Variants in NUSAP1 observed in about 807,000 individuals in gnomAD.
NUSAP1 encodes the protein nucleolar and spindle-associated protein 1.
Under a neutral mutation model 52.8 loss-of-function variants are expected in NUSAP1, and 32 were observed. The ratio of observed to expected loss-of-function variants is 0.61; its 90% confidence interval spans 0.46 to 0.81. The LOEUF (loss-of-function observed/expected upper bound fraction) is 0.81. NUSAP1 is among the 40% of genes least tolerant of loss of function. The probability of loss-of-function intolerance (pLI) is 0.00; values close to 1 mark genes in which losing one functional copy is unlikely to be tolerated. For missense variants in NUSAP1, 499 were observed against 522.3 expected (o/e 0.96, Z 0.43); for synonymous variants, 195 against 183.1 (o/e 1.06, Z -0.52).
intron 1 of NUSAP1, among the ~76,000 whole-genome samples, chr15:41,339,341 A>T (rs1008834055): frequency 6.6e-6 from 1 of 152,010 alleles, no homozygotes; most frequent in African/African-American, 2.4e-5. Context: ...GAAACCAAAT[A>T]TGAGACAATG....
chr15:41,368,184 T>C (rs1354146576), intron 7 of NUSAP1, among the ~76,000 whole-genome samples: 3 of 152,202 alleles, frequency 2.0e-5, no homozygotes, highest in Non-Finnish European at 2.9e-5. Context: ...GTTCTTTTGC[T>C]TTTGTTTCTG....
At chr15:41,340,393 T>C (rs1314790126) in intron 1 of NUSAP1, among the ~76,000 whole-genome samples, 1 of 152,140 alleles carries the variant, frequency 6.6e-6, no homozygotes, top group African/African-American at 2.4e-5. Flanking sequence ...CGTCATATCA[T>C]TCATTTCTAG....
rs1185802481 is a variant in NUSAP1, at chr15:41,380,510, G to T, written c.*324G>T. 2 of 207,778 alleles carry T rather than the reference G, an allele frequency of 9.6e-6. No homozygotes were observed. The highest frequency in any genetic ancestry group is 2.4e-5 in the African/African-American group (1 of 42,254). 12.9% of individuals were successfully genotyped at this position (207,778 alleles called of 1,614,324 possible). A position where few individuals can be genotyped will look rare whatever the true frequency, so the allele number is the denominator to read the frequency against. Reference sequence around the variant, plus strand: ...TGCTGGTTCTAATATTAACAGAACTGCAGTCTTCTGCTAGCCAATAGCATT... The same window carrying T: ...TGCTGGTTCTAATATTAACAGAACTTCAGTCTTCTGCTAGCCAATAGCATT... On this transcript the variant is annotated 3_prime_UTR_variant, in exon 11 of 11. Transcript: ENST00000559596.
Position 41,332,885 on chromosome 15 carries a change from C to T in NUSAP1, c.-73C>T, listed in dbSNP as rs568706892. On this transcript the variant is annotated 5_prime_UTR_variant, in exon 1 of 11. Coordinates refer to ENST00000559596, the MANE Select transcript of NUSAP1 (RefSeq NM_016359.5). The stretch of plus-strand genomic sequence containing the variant: ...TCTGCCTAGTCAAAGTTAAGAGTGG[C>T]GCCAGGGATTTGAACCGCGCTGACG... The T allele has an allele frequency of 2.7e-4, 313 of 1,174,544 alleles. 3 individuals are homozygous for T. In the East Asian group the frequency reaches 7.6e-3, roughly 28 times the overall value. 72.8% of individuals were successfully genotyped at this position (1,174,544 alleles called of 1,614,324 possible).
At chr15:41,335,635 TATATATAAATATATTAA>T (rs1286987772) in intron 1 of NUSAP1, among the ~76,000 whole-genome samples, 1 of 139,456 alleles carries the variant, frequency 7.2e-6, no homozygotes, top group African/African-American at 2.6e-5. Flanking sequence ...CTAAATATAC[TATATATAAATATATTAA>T]ATATATAAAT....
chr15:41,362,087 T>G (rs2049198944), intron 6 of NUSAP1, among the ~76,000 whole-genome samples: 1 of 152,120 alleles, frequency 6.6e-6, no homozygotes, highest in Non-Finnish European at 1.5e-5. Context: ...TGGTGGCTCA[T>G]GCCTATTATC....
chr15:41,334,013 C>A (rs1402956379), intron 1 of NUSAP1, among the ~76,000 whole-genome samples: 1 of 152,224 alleles, frequency 6.6e-6, no homozygotes, highest in Non-Finnish European at 1.5e-5. Flanking sequence ...GTTGAGACTT[C>A]CCACATAATA....
intron 10 of NUSAP1, among the ~76,000 whole-genome samples, chr15:41,377,508 G>A (rs573334955): frequency 6.6e-6 from 1 of 151,036 alleles, no homozygotes; most frequent in Non-Finnish European, 1.5e-5. Context: ...AACCATCCTG[G>A]CTAACACGGT....
At chr15:41,335,314 T>C (rs1389130741) in intron 1 of NUSAP1, among the ~76,000 whole-genome samples, 1 of 145,062 alleles carries the variant, frequency 6.9e-6, no homozygotes, top group Non-Finnish European at 1.5e-5. Context: ...TATATACTAG[T>C]ATATATAAAT....
At chr15:41,367,270 A>G (rs2140790188) in intron 7 of NUSAP1, among the ~76,000 whole-genome samples, 1 of 152,298 alleles carries the variant, frequency 6.6e-6, no homozygotes, top group South Asian at 2.1e-4. Context: ...CCACAGGCAC[A>G]TAGCCACTCA....
intron 9 of NUSAP1, 114 bp downstream of exon 9, chr15:41,375,942 T>A: frequency 1.5e-6 from 1 of 667,340 alleles, no homozygotes; most frequent in Non-Finnish European, 2.7e-6. Flanking sequence ...GGCAGGCACC[T>A]GTAATCCCAG....
chr15:41,364,333 G>C (rs944893742), intron 6 of NUSAP1, among the ~76,000 whole-genome samples: 7 of 151,732 alleles, frequency 4.6e-5, no homozygotes, highest in Non-Finnish European at 8.8e-5. Flanking sequence ...AGATCACAAG[G>C]TCAGCAGTTC....
At chr15:41,341,832 G>A (rs2048377040) in intron 1 of NUSAP1, among the ~76,000 whole-genome samples, 1 of 152,114 alleles carries the variant, frequency 6.6e-6, no homozygotes, top group South Asian at 2.1e-4. Context: ...TGAGAGTAAA[G>A]TTCATACTCT....
rs950916313 is a variant in NUSAP1 at position 41,377,969 on chromosome 15, G to A, written c.1232+665G>A. On this transcript the variant is annotated intron_variant, in intron 10 of 10. Coordinates refer to ENST00000559596, the MANE Select transcript of NUSAP1 (RefSeq NM_016359.5). ...CACGCCACTGCACTCCAGCCTGGGC[G>A]ACAGAGTGAGACTCCGTCTCAAAAA... 9.2e-5 allele frequency among the ~76,000 whole-genome samples: 14 copies of A among 151,382 alleles called. No homozygotes were observed. The South Asian group carries it at 1.0e-3, about 11-fold the overall frequency.
chr15:41,373,448 CTT>C (rs763340655), intron 8 of NUSAP1, among the ~76,000 whole-genome samples: 21 of 117,254 alleles, frequency 1.8e-4, no homozygotes, highest in Admixed American at 2.7e-4. Flanking sequence ...AATTCATATT[CTT>C]TTTTTTTTTT....
intron 1 of NUSAP1, among the ~76,000 whole-genome samples, chr15:41,333,482 C>A (rs2140479234): frequency 6.6e-6 from 1 of 152,132 alleles, no homozygotes; most frequent in Non-Finnish European, 1.5e-5. Context: ...TGCCGATAAT[C>A]TCTTGATACT....
At chr15:41,336,648 G>GTTTTTTTTTGTTTTTTTTTTTTTTT (rs1939843643) in intron 1 of NUSAP1, among the ~76,000 whole-genome samples, 2 of 91,372 alleles carry the variant, frequency 2.2e-5, no homozygotes, top group African/African-American at 8.0e-5. Flanking sequence ...CCTCCTTTTG[G>GTTTTTTTTTGTTTTTTTTTTTTTTT]TTTTTTTTTT....
intron 10 of NUSAP1, among the ~76,000 whole-genome samples, chr15:41,379,249 T>G (rs1237007432): frequency 6.6e-6 from 1 of 151,914 alleles, no homozygotes. Context: ...CTACCACACC[T>G]GGTCAACTTT....
intron 1 of NUSAP1, among the ~76,000 whole-genome samples, chr15:41,337,153 A>T (rs1284222044): frequency 6.6e-6 from 1 of 151,764 alleles, no homozygotes; most frequent in Non-Finnish European, 1.5e-5. Context: ...AGTAGCTAGG[A>T]CTACAGGCAT....
Sources: gnomAD v4.1 joint callset for allele counts (sites outside exome capture counted in the v4.1 genomes callset) on GRCh38, gnomAD v4.1.1 for gene constraint, MANE v1.5 for transcripts, NCBI Gene and HGNC (gene_info 2026-07-23, HGNC 2026-07-21) for gene names.